The following EXOC2 variants were observed in gnomAD, a reference collection of about 807,000 sequenced individuals.
EXOC2 encodes the protein exocyst complex component 2.
Under a neutral mutation model 131.8 loss-of-function variants are expected in EXOC2, and 70 were observed. The observed-to-expected ratio is 0.53, with a 90% CI of 0.44 to 0.65. The LOEUF (loss-of-function observed/expected upper bound fraction) is 0.65, where lower values mean the gene tolerates loss of function less well. EXOC2 is among the 30% of genes least tolerant of loss of function. EXOC2 has a pLI of 0.00. For synonymous variants in EXOC2, 411 were observed against 398.4 expected, an observed-to-expected ratio of 1.03 and a Z score of -0.38; for missense variants, 923 against 1,108.6, an observed-to-expected ratio of 0.83 and a Z score of 2.38.
rs534689384 is a variant in EXOC2 at position 508,802 on chromosome 6, A to G, written c.2381-9102T>C. Among the ~76,000 whole-genome samples, 78 of 152,320 alleles carry G rather than the reference A, an allele frequency of 5.1e-4. 1 individual carries two copies. The highest frequency in any genetic ancestry group is 2.6e-4 in the Non-Finnish European group (18 of 68,018). Reference sequence around the variant, plus strand: ...CTTGGCTAAATGCCAAGTGGTGCCAATCATGGATTATATGGTAAGAGGATG... The same window carrying G: ...CTTGGCTAAATGCCAAGTGGTGCCAGTCATGGATTATATGGTAAGAGGATG... On this transcript the variant is annotated intron_variant, in intron 23 of 27. Transcript: ENST00000230449.
rs191781891 is a variant in EXOC2, at chr6:663,367, C to A, written c.-43-25506G>T. Among the ~76,000 whole-genome samples, 818 of 152,146 alleles carry A rather than the reference C, an allele frequency of 5.4e-3. 9 individuals carry two copies. Among genetic ancestry groups the A allele is most frequent in the African/African-American group, 0.019 (781 of 41,520 alleles). On this transcript the variant is annotated intron_variant, in intron 1 of 27. Transcript: ENST00000230449. ...TCACAGCAGAATTCCACCAAACACTCAAAGAATTGGTACCAATCCTTTTGA... is the reference window on the plus strand; with the variant it reads ...TCACAGCAGAATTCCACCAAACACTAAAAGAATTGGTACCAATCCTTTTGA...
At chr6:565,001 A>G (rs1757900891) in intron 13 of EXOC2, 72 bp from the exon 14 acceptor site, 1 of 1,164,004 alleles carries the variant, frequency 8.6e-7, no homozygotes, top group Admixed American at 2.6e-5. Flanking sequence ...TAGCACTTGT[A>G]CATCAAGAGA....
rs146021282 is a variant in EXOC2 at position 564,015 on chromosome 6, C to T, written c.1789+18G>A. 1.1e-3 allele frequency: 1,718 copies of T among 1,611,810 alleles called. 16 individuals carry two copies. In the African/African-American group the frequency reaches 0.02, roughly 19 times the overall value. ...ATAATCATTGCACAGTGAACGTCAC[C>T]GATTTATCAAAACACACCTTCCGCC... On this transcript the variant is annotated intron_variant, in intron 16 of 27. Transcript: ENST00000230449.
intron 1 of EXOC2, among the ~76,000 whole-genome samples, chr6:638,485 T>TAAA: frequency 6.6e-6 from 1 of 152,250 alleles, no homozygotes; most frequent in Non-Finnish European, 1.5e-5. Flanking sequence ...GTTCAAGTAC[T>TAAA]GCTGCTCCCA....
chr6:508,270 T>A (rs537091867), intron 23 of EXOC2, among the ~76,000 whole-genome samples: 29 of 152,294 alleles, frequency 1.9e-4, no homozygotes, highest in Admixed American at 1.4e-3. Flanking sequence ...AGGGGTGCAT[T>A]TGTTACAGTC....
chr6:557,677 G>A (rs556038111), intron 17 of EXOC2, among the ~76,000 whole-genome samples: 2 of 151,642 alleles, frequency 1.3e-5, no homozygotes, highest in African/African-American at 2.4e-5. Flanking sequence ...ATGGGGGATC[G>A]GCTGTAAATA....
chr6:610,988 T>A (rs758680507), intron 6 of EXOC2, among the ~76,000 whole-genome samples: 12 of 152,228 alleles, frequency 7.9e-5, no homozygotes, highest in Non-Finnish European at 1.6e-4. Context: ...ATTTCTGTAA[T>A]GTTTCAAAAT....
chr6:662,522 C>G (rs952066629), intron 1 of EXOC2, among the ~76,000 whole-genome samples: 1 of 152,164 alleles, frequency 6.6e-6, no homozygotes, highest in African/African-American at 2.4e-5. Flanking sequence ...CATGCAAATA[C>G]ATGGAAATTA....
chr6:617,923 C>T, intron 5 of EXOC2, 88 bp from the exon 6 acceptor site: 1 of 1,448,360 alleles, frequency 6.9e-7, no homozygotes, highest in Non-Finnish European at 9.3e-7. Context: ...ACTAAATATG[C>T]TAAAACCGAT....
Position 626,546 on chromosome 6 carries a change from C to A in EXOC2, c.422+3289G>T, listed in dbSNP as rs9504500. ...ACTTCTCTCCTGAAGGCTGCCTCCC[C>A]ACTGCAATCTGATAACTCACTAGGA... On this transcript the variant is annotated intron_variant, in intron 4 of 27. Coordinates refer to ENST00000230449, the MANE Select transcript of EXOC2 (RefSeq NM_018303.6). 5.0e-3 allele frequency among the ~76,000 whole-genome samples: 755 copies of A among 152,280 alleles called. 5 individuals carry two copies. The highest frequency in any genetic ancestry group is 0.017 in the African/African-American group (726 of 41,558).
At chr6:536,671 A>G (rs531191220) in intron 22 of EXOC2, among the ~76,000 whole-genome samples, 1 of 152,302 alleles carries the variant, frequency 6.6e-6, no homozygotes, top group East Asian at 1.9e-4. Context: ...AAATAAAACA[A>G]TGCAATATTG....
At chr6:654,650 A>G (rs1019451941) in intron 1 of EXOC2, among the ~76,000 whole-genome samples, 1 of 151,794 alleles carries the variant, frequency 6.6e-6, no homozygotes, top group Non-Finnish European at 1.5e-5. Context: ...AGAAAAATTA[A>G]AAAGTTAGCT....
intron 22 of EXOC2, among the ~76,000 whole-genome samples, chr6:541,309 G>A (rs766763599): frequency 3.9e-5 from 6 of 152,116 alleles, no homozygotes; most frequent in Non-Finnish European, 7.4e-5. Context: ...GAAAACATGG[G>A]AAACACAGCT....
chr6:571,494 C>CT (rs998650108), intron 13 of EXOC2, among the ~76,000 whole-genome samples: 27 of 152,226 alleles, frequency 1.8e-4, no homozygotes, highest in African/African-American at 6.5e-4. Context: ...GAGCACATCT[C>CT]TATTTCCTTA....
intron 1 of EXOC2, chr6:656,635 G>C: frequency 1.2e-6 from 2 of 1,606,408 alleles, no homozygotes; most frequent in East Asian, 4.5e-5. Flanking sequence ...TTGTGGGTCA[G>C]CTGCAGCTTC....
At chr6:643,748 A>G (rs1007589079) in intron 1 of EXOC2, among the ~76,000 whole-genome samples, 11 of 152,208 alleles carry the variant, frequency 7.2e-5, no homozygotes, top group African/African-American at 2.4e-4. Context: ...AATTTGAAAA[A>G]AATTAAAGCC....
At chr6:655,929 A>T (rs551713695) in intron 1 of EXOC2, 2 of 534,892 alleles carry the variant, frequency 3.7e-6, no homozygotes, top group African/African-American at 3.8e-5. Flanking sequence ...CAAAACATGA[A>T]CTACCCAACT....
intron 27 of EXOC2, among the ~76,000 whole-genome samples, chr6:488,449 G>T (rs1165602249): frequency 6.6e-6 from 1 of 152,206 alleles, no homozygotes; most frequent in East Asian, 1.9e-4. Context: ...TTAAATTCAG[G>T]TTGAGATCAT....
At chr6:487,140 G>A (rs1004947968) in intron 27 of EXOC2, among the ~76,000 whole-genome samples, 31 of 152,186 alleles carry the variant, frequency 2.0e-4, no homozygotes, top group Non-Finnish European at 3.5e-4. Flanking sequence ...AAGCCATACC[G>A]GAGTGTAACA....
Sources: allele counts gnomAD v4.1 joint callset (sites outside exome capture counted in the v4.1 genomes callset), GRCh38; gene constraint gnomAD v4.1.1; transcripts MANE v1.5; gene names NCBI Gene and HGNC (gene_info 2026-07-23, HGNC 2026-07-21).